Variants in RBFOX1 observed in about 807,000 individuals in gnomAD.
RBFOX1 encodes the protein RNA binding protein fox-1 homolog 1.
In RBFOX1, 8 loss-of-function variants were observed where a neutral mutation model predicts 57.7. The observed-to-expected ratio is 0.14, with a 90% confidence interval of 0.08 to 0.25. RBFOX1 has a LOEUF of 0.25. Ranked by LOEUF, RBFOX1 falls within the 10% of genes least tolerant of loss-of-function variation. The pLI, the probability that RBFOX1 is intolerant of heterozygous loss-of-function variation, is 1.00. For synonymous variants in RBFOX1, 326 were observed against 222.4 expected, an observed-to-expected ratio of 1.47 and a Z score of -4.15; for missense variants, 611 against 548.5, an observed-to-expected ratio of 1.11 and a Z score of -1.14.
At chr16:7,092,689 C>A (rs567242170) in intron 4 of RBFOX1, among the ~76,000 whole-genome samples, 1 of 152,152 alleles carries the variant, frequency 6.6e-6, no homozygotes, top group Non-Finnish European at 1.5e-5. Flanking sequence ...TATGGTACTG[C>A]GCCTTGGGGG....
chr16:5,394,632 G>A (rs1482161653), intron 1 of RBFOX1, among the ~76,000 whole-genome samples: 2 of 149,322 alleles, frequency 1.3e-5, no homozygotes, highest in Non-Finnish European at 3.0e-5. Context: ...TACAGTCATG[G>A]CTCGCTGCAT....
chr16:7,445,777 A>G (rs1255360743), intron 4 of RBFOX1, among the ~76,000 whole-genome samples: 1 of 152,160 alleles, frequency 6.6e-6, no homozygotes, highest in Non-Finnish European at 1.5e-5. Flanking sequence ...ATGCCCAAAG[A>G]CTGATATCCC....
chr16:6,337,023 T>C (rs1372999000), intron 2 of RBFOX1, among the ~76,000 whole-genome samples: 2 of 152,152 alleles, frequency 1.3e-5, no homozygotes, highest in Non-Finnish European at 2.9e-5. Flanking sequence ...AAAATGGCAT[T>C]GAGGAAAGCA....
At chr16:5,730,892 T>C (rs746397150) in intron 3 of RBFOX1, among the ~76,000 whole-genome samples, 7 of 151,872 alleles carry the variant, frequency 4.6e-5, no homozygotes, top group Non-Finnish European at 8.8e-5. Flanking sequence ...TCATTGCCAC[T>C]GTCATCACCA....
At chr16:6,217,720 A>T (rs925260109) in intron 1 of RBFOX1, among the ~76,000 whole-genome samples, 4 of 152,160 alleles carry the variant, frequency 2.6e-5, no homozygotes, top group African/African-American at 9.7e-5. Flanking sequence ...GGCCCTCACA[A>T]ATATGTTGCA....
chr16:7,033,665 G>T (rs1045255867), intron 3 of RBFOX1, among the ~76,000 whole-genome samples: 1 of 152,146 alleles, frequency 6.6e-6, no homozygotes, highest in African/African-American at 2.4e-5. Flanking sequence ...GAGGAAGGGA[G>T]GCTGGGATGG....
intron 1 of RBFOX1, among the ~76,000 whole-genome samples, chr16:6,051,685 T>C (rs1048696283): frequency 1.3e-5 from 2 of 152,136 alleles, no homozygotes; most frequent in African/African-American, 2.4e-5. Flanking sequence ...TGCCTCAGCC[T>C]CCCAAGTAGC....
intron 3 of RBFOX1, among the ~76,000 whole-genome samples, chr16:5,739,162 C>T (rs1186707547): frequency 1.3e-5 from 2 of 152,162 alleles, no homozygotes; most frequent in Non-Finnish European, 2.9e-5. Context: ...GAACTGTGCC[C>T]CTTTTGCACA....
intron 2 of RBFOX1, among the ~76,000 whole-genome samples, chr16:6,343,625 TC>T (rs1188886268): frequency 6.6e-6 from 1 of 152,232 alleles, no homozygotes; most frequent in Non-Finnish European, 1.5e-5. Context: ...TATTCATGTT[TC>T]CATGCTTCCT....
chr16:7,233,921 A>G (rs931180585), intron 4 of RBFOX1, among the ~76,000 whole-genome samples: 2 of 152,346 alleles, frequency 1.3e-5, no homozygotes, highest in South Asian at 2.1e-4. Flanking sequence ...TCTTTGGCCA[A>G]TGGACAAATT....
At chr16:6,386,781 A>G (rs957953768) in intron 2 of RBFOX1, among the ~76,000 whole-genome samples, 4 of 152,186 alleles carry the variant, frequency 2.6e-5, no homozygotes, top group Non-Finnish European at 4.4e-5. Flanking sequence ...TTCTCTGGGG[A>G]TCTACTATTT....
chr16:6,254,867 G>C (rs936050643), intron 1 of RBFOX1, among the ~76,000 whole-genome samples: 2 of 151,942 alleles, frequency 1.3e-5, no homozygotes, highest in African/African-American at 4.8e-5. Flanking sequence ...GATTTACATG[G>C]TGCAACAACT....
intron 4 of RBFOX1, among the ~76,000 whole-genome samples, chr16:5,952,428 G>A (rs530484343): frequency 7.2e-5 from 11 of 152,234 alleles, no homozygotes; most frequent in African/African-American, 1.7e-4. Flanking sequence ...TGGGATTATA[G>A]TCGTGTGCCA....
chr16:5,346,820 T>G (rs2065150567), intron 1 of RBFOX1, among the ~76,000 whole-genome samples: 1 of 152,194 alleles, frequency 6.6e-6, no homozygotes, highest in African/African-American at 2.4e-5. Context: ...TTTGTGCTCT[T>G]CAGTGTTCCC....
intron 1 of RBFOX1, among the ~76,000 whole-genome samples, chr16:5,362,796 T>G (rs1022875363): frequency 2.6e-5 from 4 of 152,160 alleles, no homozygotes; most frequent in African/African-American, 9.7e-5. Context: ...TCATATAGCA[T>G]TTGTCTTTGT....
intron 14 of RBFOX1, among the ~76,000 whole-genome samples, chr16:7,696,352 C>A (rs370861551): frequency 1.1e-4 from 17 of 152,128 alleles, no homozygotes; most frequent in Admixed American, 1.1e-3. Context: ...CATCAAGAAC[C>A]TTTGATGAGT....
At chr16:6,275,807 G>A (rs1002253323) in intron 1 of RBFOX1, among the ~76,000 whole-genome samples, 3 of 152,102 alleles carry the variant, frequency 2.0e-5, no homozygotes, top group African/African-American at 7.2e-5. Context: ...GTATGATAAA[G>A]GTAACTGACC....
intron 4 of RBFOX1, among the ~76,000 whole-genome samples, chr16:7,128,537 G>A (rs1343713269): frequency 6.6e-6 from 1 of 152,196 alleles, no homozygotes; most frequent in Non-Finnish European, 1.5e-5. Context: ...ACTTAGTGAG[G>A]TAGAGATACA....
At chr16:6,997,337 G>C (rs1014343461) in intron 3 of RBFOX1, among the ~76,000 whole-genome samples, 1 of 152,130 alleles carries the variant, frequency 6.6e-6, no homozygotes, top group Non-Finnish European at 1.5e-5. Context: ...GTATGAAGTG[G>C]CATCAGCAAA....
Sources: gnomAD v4.1 joint callset for allele counts (sites outside exome capture counted in the v4.1 genomes callset) on GRCh38, gnomAD v4.1.1 for gene constraint, MANE v1.5 for transcripts, NCBI Gene and HGNC (gene_info 2026-07-23, HGNC 2026-07-21) for gene names.